The following ZNF410 variants were observed in gnomAD, a reference collection of about 807,000 sequenced individuals.
ZNF410 encodes another partner for ARF 1.
A neutral mutation model predicts 54.8 loss-of-function variants in ZNF410; 18 were observed. That is an observed-to-expected ratio of 0.33 (90% CI 0.23 to 0.49). The LOEUF is 0.49. ZNF410 is among the 20% of genes least tolerant of loss of function. The pLI is 0.99. For missense variants in ZNF410, 405 were observed against 569.6 expected (o/e 0.71, Z 2.94); for synonymous variants, 191 against 207.3 (o/e 0.92, Z 0.68).
chr14:73,924,377 G>A (rs901200165), intron 11 of ZNF410, among the ~76,000 whole-genome samples: 2 of 152,128 alleles, frequency 1.3e-5, no homozygotes, highest in African/African-American at 4.8e-5. Flanking sequence ...TTCCTAACAG[G>A]GCACGGACCA....
chr14:73,918,116 A>T (rs1204896045), intron 8 of ZNF410, among the ~76,000 whole-genome samples: 9 of 151,634 alleles, frequency 5.9e-5, no homozygotes, highest in African/African-American at 1.9e-4. Context: ...TTTTTTATTT[A>T]TTTATTTTTT....
chr14:73,929,836 T>TA (rs2055885238), intron 11 of ZNF410, among the ~76,000 whole-genome samples: 1 of 151,698 alleles, frequency 6.6e-6, no homozygotes, highest in African/African-American at 2.4e-5. Flanking sequence ...GAAGAAAAAT[T>TA]ACCATGGGAA....
chr14:73,891,684 A>G (rs927426852), intron 1 of ZNF410, among the ~76,000 whole-genome samples: 2 of 152,176 alleles, frequency 1.3e-5, no homozygotes, highest in Non-Finnish European at 2.9e-5. Flanking sequence ...TGACAGTGCC[A>G]TATTTAATCA....
intron 8 of ZNF410, among the ~76,000 whole-genome samples, chr14:73,911,159 AT>A (rs2055571785): frequency 6.6e-6 from 1 of 152,124 alleles, no homozygotes; most frequent in Admixed American, 6.6e-5. Context: ...ACCTGTTCAG[AT>A]TTTATTACTT....
intron 8 of ZNF410, chr14:73,916,099 G>A (rs572882964): frequency 1.3e-5 from 2 of 151,860 alleles, no homozygotes; most frequent in South Asian, 4.2e-4. Flanking sequence ...ATCAGTAAGA[G>A]AGAGGGAGGG....
At chr14:73,900,350 G>A (rs957291151) in intron 5 of ZNF410, among the ~76,000 whole-genome samples, 3 of 151,414 alleles carry the variant, frequency 2.0e-5, no homozygotes, top group Non-Finnish European at 4.4e-5. Context: ...GAAGCTTTAT[G>A]ATTTTGGTTA....
At chr14:73,896,661 T>A (rs2055322447) in intron 4 of ZNF410, 127 bp downstream of exon 4, 1 of 752,586 alleles carries the variant, frequency 1.3e-6, no homozygotes, top group African/African-American at 1.8e-5. Context: ...AGAATTGGTG[T>A]GTCTGGTGAC....
intron 8 of ZNF410, chr14:73,914,673 G>GGCT (rs1261030781): frequency 1.5e-5 from 2 of 134,662 alleles, no homozygotes; most frequent in African/African-American, 5.6e-5. Flanking sequence ...CTGTCACCCA[G>GGCT]GCTGGAGTGC....
chr14:73,921,793 T>A (rs1182730867), intron 9 of ZNF410, among the ~76,000 whole-genome samples: 1 of 152,226 alleles, frequency 6.6e-6, no homozygotes, highest in African/African-American at 2.4e-5. Context: ...TCCTTAATTA[T>A]TCCAAATATT....
intron 11 of ZNF410, among the ~76,000 whole-genome samples, chr14:73,930,119 A>G (rs2055889734): frequency 6.6e-6 from 1 of 152,196 alleles, no homozygotes; most frequent in Non-Finnish European, 1.5e-5. Context: ...TCAAGGCACA[A>G]ATAGAAATTA....
At chr14:73,900,750 G>A (rs1484556965) in intron 5 of ZNF410, among the ~76,000 whole-genome samples, 1 of 170 alleles carries the variant, frequency 5.9e-3, no homozygotes, top group Non-Finnish European at 0.011. Flanking sequence ...TCCAACATAC[G>A]GCCTGTGGGC....
In ZNF410 at chr14:73,896,378, C is replaced by A; in HGVS notation, c.232C>A (p.Leu78Ile). 6.2e-7 allele frequency: 1 copy of A among 1,614,154 alleles called. No homozygotes were observed. The highest frequency in any genetic ancestry group is 8.5e-7 in the Non-Finnish European group (1 of 1,180,048). ...CCCTTCCTCAGCTGTTTTGAGAAGC[C>A]TTCGGGTGAATGTGGGTCCAGACGG... ...EVPSSAVLRS[L>I]RVNVGPDGEE... The change falls in exon 4 of 12, where the codon CTT becomes ATT. Residue 78 changes from leucine (L) to isoleucine (I), a missense_variant. Leu to Ile is a conservative substitution (Grantham distance 5). Around this residue, in one of 3 missense-constraint regions of ZNF410, gnomAD observed 247 missense variants for 342.8 expected, o/e 0.72. Transcript: ENST00000555044.
At chr14:73,900,180 C>T (rs769734451) in intron 5 of ZNF410, among the ~76,000 whole-genome samples, 7 of 146,220 alleles carry the variant, frequency 4.8e-5, no homozygotes, top group Middle Eastern at 3.7e-3. Flanking sequence ...GCAACAAGAG[C>T]GAAACTTGGT....
chr14:73,919,344 C>T (rs1490080552), intron 8 of ZNF410, among the ~76,000 whole-genome samples: 5 of 152,078 alleles, frequency 3.3e-5, no homozygotes, highest in African/African-American at 1.2e-4. Context: ...AGGTTTGTTA[C>T]AAGGGTATAT....
At chr14:73,899,135 T>C (rs1054561456) in intron 5 of ZNF410, among the ~76,000 whole-genome samples, 4 of 152,112 alleles carry the variant, frequency 2.6e-5, no homozygotes, top group African/African-American at 7.2e-5. Flanking sequence ...GTTTGGAGTT[T>C]ATGCAGATTA....
At chr14:73,926,480 C>G (rs1284109439) in intron 11 of ZNF410, among the ~76,000 whole-genome samples, 1 of 151,914 alleles carries the variant, frequency 6.6e-6, no homozygotes, top group Non-Finnish European at 1.5e-5. Context: ...TGGCCCAGGT[C>G]AAGAGTGCAG....
At chr14:73,920,494 C>G (rs1039263108) in intron 8 of ZNF410, 1 of 153,836 alleles carries the variant, frequency 6.5e-6, no homozygotes, top group Non-Finnish European at 1.4e-5. Context: ...AGAATGGAGA[C>G]GGAGAGTTTG....
rs941420476 is a variant in ZNF410, at chr14:73,932,100, G to A, written c.*559G>A. 2.2e-6 allele frequency: 1 copy of A among 450,376 alleles called. No homozygotes were observed. The allele number at this position is 450,376 out of a possible 1,614,324, so 27.9% of individuals were successfully genotyped here. On this transcript the variant is annotated 3_prime_UTR_variant, in exon 12 of 12. Coordinates refer to ENST00000555044, the MANE Select transcript of ZNF410 (RefSeq NM_021188.3). Reference sequence around the variant, plus strand: ...AAATAAATTACTTGAATCTCCCCTTGGCCCAGGCTGAGGTACTATCTTGTC... The same window carrying A: ...AAATAAATTACTTGAATCTCCCCTTAGCCCAGGCTGAGGTACTATCTTGTC...
At chr14:73,892,304 C>A in intron 2 of ZNF410, 96 bp downstream of exon 2, 2 of 1,167,704 alleles carry the variant, frequency 1.7e-6, no homozygotes, top group Non-Finnish European at 2.5e-6. Flanking sequence ...CTTTAATGGG[C>A]CAGATAATAA....
Sources: allele counts gnomAD v4.1 joint callset (sites outside exome capture counted in the v4.1 genomes callset), GRCh38; gene constraint gnomAD v4.1.1; regional missense constraint gnomAD v4.1.1; transcripts MANE v1.5; gene names NCBI Gene and HGNC (gene_info 2026-07-23, HGNC 2026-07-21).